DNAH14: variants seen among roughly 807,000 people sequenced by gnomAD.
The protein encoded by DNAH14 is axonemal beta dynein heavy chain 14.
DNAH14 carries 478 observed loss-of-function variants against 520.9 expected under a neutral mutation model. The observed-to-expected ratio is 0.92, with a 90% CI of 0.85 to 0.99. The LOEUF (loss-of-function observed/expected upper bound fraction) is 0.99, where lower values mean the gene tolerates loss of function less well. DNAH14 is among the 50% of genes least tolerant of loss of function. DNAH14 has a pLI of 0.00. For missense variants in DNAH14, 4,831 were observed against 5,234.5 expected (o/e 0.92, Z 2.38); for synonymous variants, 1,581 against 1,757.2 (o/e 0.90, Z 2.51).
At chr1:225,338,381 C>A in intron 68 of DNAH14, 199 bp downstream of exon 68, 1 of 728,070 alleles carries the variant, frequency 1.4e-6, no homozygotes, top group Non-Finnish European at 2.4e-6. Context: ...TCAAGTCACT[C>A]CAAACCAACA....
chr1:225,235,579 A>G lies in DNAH14; in HGVS notation c.6518+4428A>G, dbSNP rs375524923. 6.2e-4 allele frequency among the ~76,000 whole-genome samples: 94 copies of G among 152,072 alleles called. 1 individual carries two copies. The East Asian group carries it at 0.017, about 27-fold the overall frequency. On this transcript the variant is annotated intron_variant, in intron 42 of 85. Transcript: ENST00000682510. ...GAAAGGAGTTAGGGAGGAGTCCCTC[A>G]TTTTCAATTGTTTGTAATAGTTTCA...
intron 2 of DNAH14, 26 bp from the exon 3 acceptor site, chr1:224,954,932 CT>C: frequency 6.5e-7 from 1 of 1,532,844 alleles, no homozygotes; most frequent in Non-Finnish European, 8.9e-7. Flanking sequence ...CATTTATTTT[CT>C]TAGAATTGTT....
intron 43 of DNAH14, among the ~76,000 whole-genome samples, chr1:225,247,671 T>C (rs1210961232): frequency 6.6e-6 from 1 of 152,194 alleles, no homozygotes; most frequent in East Asian, 1.9e-4. Flanking sequence ...CTGCAAAATG[T>C]CAATAAAAAA....
At chr1:225,177,776 A>G (rs2083490584) in intron 36 of DNAH14, among the ~76,000 whole-genome samples, 1 of 152,178 alleles carries the variant, frequency 6.6e-6, no homozygotes. Flanking sequence ...GGCAGAATTT[A>G]CTGCAGTGGT....
At chr1:225,136,131 T>C (rs2078933300) in intron 27 of DNAH14, among the ~76,000 whole-genome samples, 3 of 152,172 alleles carry the variant, frequency 2.0e-5, no homozygotes, top group Non-Finnish European at 4.4e-5. Flanking sequence ...TGTCTTTTAA[T>C]TGGGGGCATT....
intron 36 of DNAH14, among the ~76,000 whole-genome samples, chr1:225,176,127 A>G (rs531635858): frequency 2.0e-4 from 30 of 152,034 alleles, no homozygotes; most frequent in African/African-American, 6.3e-4. Context: ...GCTATATCCT[A>G]TTGGTTTAGG....
chr1:224,956,116 A>T (rs2060494661), intron 3 of DNAH14, among the ~76,000 whole-genome samples: 1 of 152,152 alleles, frequency 6.6e-6, no homozygotes, highest in Non-Finnish European at 1.5e-5. Flanking sequence ...ACTTTTAAGG[A>T]AATTTACTCA....
At chr1:225,284,045 AT>A (rs1207064774) in intron 54 of DNAH14, among the ~76,000 whole-genome samples, 1 of 152,156 alleles carries the variant, frequency 6.6e-6, no homozygotes, top group Non-Finnish European at 1.5e-5. Context: ...AAATACTTAT[AT>A]TTAAAAAGAG....
At chr1:225,360,648 C>T (rs111692785) in intron 74 of DNAH14, 33 bp from the exon 75 acceptor site, 45,884 of 1,510,508 alleles carry the variant, frequency 0.03, 826 homozygotes, top group Non-Finnish European at 0.035. Context: ...AATGAGCTTA[C>T]AGTTTTATAT....
At chr1:225,197,220 A>T (rs1285610332) in intron 38 of DNAH14, among the ~76,000 whole-genome samples, 1 of 152,142 alleles carries the variant, frequency 6.6e-6, no homozygotes, top group African/African-American at 2.4e-5. Context: ...TTTTTATATA[A>T]GGTGAGAGAT....
chr1:224,942,356 T>C (rs1251716994), intron 1 of DNAH14, among the ~76,000 whole-genome samples: 1 of 152,270 alleles, frequency 6.6e-6, no homozygotes, highest in African/African-American at 2.4e-5. Context: ...ATTGATTTTG[T>C]ATCCTGGGAC....
At position 225,399,117 on chromosome 1, in the gene DNAH14, C is replaced by A; in HGVS notation, c.13702C>A (p.Pro4568Thr). The change falls in exon 86 of 86, where the codon CCA (proline) becomes ACA (threonine). Residue 4568 changes from proline (P) to threonine (T), a missense_variant. By Grantham distance (38) the Pro-to-Thr change is conservative (BLOSUM62 -1). Transcript: ENST00000682510. ...TTCAGAACTCTATGCTTTTGAATGC[C>A]CAGTTTACCAGACACCTGAGAGGTC... The part of the protein sequence containing the change: ...TDSELYAFEC[P>T]VYQTPERSRI... The A allele has an allele frequency of 6.4e-7, 1 of 1,551,818 alleles. No individual in the cohort carries two copies. The highest frequency in any genetic ancestry group is 8.7e-7 in the Non-Finnish European group (1 of 1,147,042).
chr1:225,252,443 T>C lies in DNAH14; in HGVS notation c.6865+26T>C, dbSNP rs868044115. On this transcript the variant is annotated intron_variant, in intron 44 of 85. Transcript: ENST00000682510. The stretch of plus-strand genomic sequence containing the variant: ...GTAAGAATAATTATAAGAATCATAC[T>C]TGTAACGTTAGAATATTGGGTATAC... 3.1e-6 allele frequency: 4 copies of C among 1,273,612 alleles called. 1 individual carries two copies. The South Asian group carries it at 3.9e-5, about 13-fold the overall frequency. 78.9% of individuals were successfully genotyped at this position (1,273,612 alleles called of 1,614,324 possible). A position where few individuals can be genotyped will look rare whatever the true frequency, so the allele number is the denominator to read the frequency against.
intron 27 of DNAH14, among the ~76,000 whole-genome samples, chr1:225,128,246 G>A (rs777152348): frequency 2.0e-5 from 3 of 151,560 alleles, no homozygotes; most frequent in Non-Finnish European, 4.4e-5. Context: ...GAATCTGAAT[G>A]TTGGCCTGCA....
At chr1:225,226,838 G>T (rs866093336) in intron 41 of DNAH14, among the ~76,000 whole-genome samples, 1 of 152,094 alleles carries the variant, frequency 6.6e-6, no homozygotes, top group Non-Finnish European at 1.5e-5. Flanking sequence ...GGGTCATGGT[G>T]GGGAGAGGGT....
At chr1:225,144,933 AAGAGAG>A (rs71574518) in intron 29 of DNAH14, among the ~76,000 whole-genome samples, 3 of 150,888 alleles carry the variant, frequency 2.0e-5, no homozygotes, top group Non-Finnish European at 4.4e-5. Context: ...GTGTGTGTGA[AAGAGAG>A]AGAGAGAGAA....
intron 10 of DNAH14, among the ~76,000 whole-genome samples, chr1:225,020,429 G>A (rs556184357): frequency 4.7e-5 from 7 of 149,056 alleles, no homozygotes; most frequent in Admixed American, 6.8e-5. Context: ...TCTGGGAGGC[G>A]GAGGTTGCAG....
chr1:225,210,933 A>G (rs2088305149), intron 41 of DNAH14, among the ~76,000 whole-genome samples: 1 of 152,240 alleles, frequency 6.6e-6, no homozygotes, highest in Non-Finnish European at 1.5e-5. Flanking sequence ...AAGGAAAACT[A>G]ACAAACAGAA....
intron 72 of DNAH14, among the ~76,000 whole-genome samples, chr1:225,353,440 T>A (rs2095393686): frequency 6.6e-6 from 1 of 152,182 alleles, no homozygotes; most frequent in South Asian, 2.1e-4. Flanking sequence ...ACTTACTAGT[T>A]TACATTCATC....
Sources: gnomAD v4.1 joint callset for allele counts (sites outside exome capture counted in the v4.1 genomes callset) on GRCh38, gnomAD v4.1.1 for gene constraint, MANE v1.5 for transcripts, NCBI Gene and HGNC (gene_info 2026-07-23, HGNC 2026-07-21) for gene names.